SLC22A15: variants seen among roughly 807,000 people sequenced by gnomAD.
The protein encoded by SLC22A15 is flipt 1.
Under a neutral mutation model 62.7 loss-of-function variants are expected in SLC22A15, and 45 were observed. The ratio of observed to expected loss-of-function variants is 0.72; its 90% CI spans 0.56 to 0.92. The LOEUF is 0.92. SLC22A15 is among the 40% of genes least tolerant of loss of function. The pLI, the probability that SLC22A15 is intolerant of heterozygous loss-of-function variation, is 0.00. For synonymous variants in SLC22A15, 264 were observed against 267.0 expected (o/e 0.99, Z 0.11); for missense variants, 622 against 665.6 (o/e 0.93, Z 0.72).
chr1:116,039,082 C>G (rs757774361), intron 8 of SLC22A15, among the ~76,000 whole-genome samples: 36 of 152,212 alleles, frequency 2.4e-4, no homozygotes, highest in Non-Finnish European at 5.0e-4. Flanking sequence ...TAATTACAAT[C>G]TGTTTTAAGA....
intron 2 of SLC22A15, among the ~76,000 whole-genome samples, chr1:115,993,795 A>G (rs1655276015): frequency 6.6e-6 from 1 of 152,150 alleles, no homozygotes; most frequent in Admixed American, 6.5e-5. Flanking sequence ...CACACTTCGT[A>G]GCTTGGTCCA....
chr1:116,066,403 G>A, intron 10 of SLC22A15, 117 bp from the exon 11 acceptor site: 1 of 838,312 alleles, frequency 1.2e-6, no homozygotes, highest in Non-Finnish European at 1.8e-6. Flanking sequence ...GTTGTCTAGT[G>A]CGAGGTCATG....
Position 116,062,846 on chromosome 1 carries a change from A to G in SLC22A15, c.1256A>G (p.Tyr419Cys). 1 of 1,613,828 alleles carries G rather than the reference A, an allele frequency of 6.2e-7. No homozygotes were observed. The highest frequency in any genetic ancestry group is 1.3e-5 in the African/African-American group (1 of 75,022). The change falls in exon 9 of 12, where the codon TAT (tyrosine) becomes TGT (cysteine). Residue 419 changes from tyrosine to cysteine, a missense_variant. Coordinates refer to ENST00000369503, the MANE Select transcript of SLC22A15 (RefSeq NM_018420.3). ...LTISAAFNIV[Y>C]IYTSELYPTV... ...ATCAGTGCTGCCTTTAACATTGTTT[A>G]TATCTACACCTCTGAGCTTTACCCT... is the stretch of plus-strand genomic sequence containing the variant.
intron 8 of SLC22A15, among the ~76,000 whole-genome samples, chr1:116,039,357 ACCC>A (rs1657721940): frequency 6.6e-6 from 1 of 152,006 alleles, no homozygotes. Context: ...ACATGGTGAA[ACCC>A]CATCTCTACT....
At chr1:116,032,669 T>TGCATCACAG in intron 6 of SLC22A15, 1 of 976,434 alleles carries the variant, frequency 1.0e-6, no homozygotes, top group South Asian at 4.7e-5. Flanking sequence ...ACTAGGAATA[T>TGCATCACAG]CACAGATGCA....
At chr1:116,019,828 A>G in intron 3 of SLC22A15, 114 bp downstream of exon 3, 1 of 1,162,916 alleles carries the variant, frequency 8.6e-7, no homozygotes. Context: ...GCATATGGAC[A>G]CAGAACTGAT....
At position 115,976,573 on chromosome 1, in the gene SLC22A15, G is replaced by T. The variant is rs1045601782; in HGVS notation, c.-55G>T. On this transcript the variant is annotated 5_prime_UTR_variant, in exon 1 of 12. Transcript: ENST00000369503. ...GCCCAGGGGTTGCCGCGCTGGGCGG[G>T]AGGGCAGCGCCTGAGAGGGCGGTGG... The T allele has an allele frequency of 1.8e-5, 25 of 1,387,232 alleles. No homozygotes were observed. In the African/African-American group the frequency reaches 3.3e-4, roughly 18 times the overall value. The allele number at this position is 1,387,232 out of a possible 1,614,324, so 85.9% of individuals were successfully genotyped here.
chr1:115,984,874 A>G (rs1019235910), intron 1 of SLC22A15, among the ~76,000 whole-genome samples: 1 of 152,102 alleles, frequency 6.6e-6, no homozygotes, highest in African/African-American at 2.4e-5. Flanking sequence ...AAAAGCTTAT[A>G]GAATAAGGAT....
intron 2 of SLC22A15, among the ~76,000 whole-genome samples, chr1:115,993,788 A>T (rs12737327): frequency 6.6e-6 from 1 of 152,096 alleles, no homozygotes; most frequent in African/African-American, 2.4e-5. Context: ...GACCTCTCAC[A>T]CTTCGTAGCT....
intron 1 of SLC22A15, among the ~76,000 whole-genome samples, chr1:115,982,202 C>G (rs1276981386): frequency 1.3e-5 from 2 of 152,190 alleles, no homozygotes; most frequent in African/African-American, 2.4e-5. Flanking sequence ...TCCTCTCTGA[C>G]TTCTTTGACC....
At chr1:116,035,102 T>G in intron 6 of SLC22A15, 85 bp from the exon 7 acceptor site, 2 of 1,398,848 alleles carry the variant, frequency 1.4e-6, no homozygotes. Context: ...GAACCAATAT[T>G]TGAATCTCCT....
At chr1:115,993,428 A>AGTGTGTGTGT (rs762008398) in intron 2 of SLC22A15, among the ~76,000 whole-genome samples, 402 of 143,544 alleles carry the variant, frequency 2.8e-3, no homozygotes, top group Admixed American at 3.6e-3. Context: ...AGTGTGTGAG[A>AGTGTGTGTGT]GTGTGTGTGT....
At chr1:116,048,702 G>A (rs1570767017) in intron 8 of SLC22A15, among the ~76,000 whole-genome samples, 1 of 152,042 alleles carries the variant, frequency 6.6e-6, no homozygotes, top group Non-Finnish European at 1.5e-5. Context: ...AAAAACCCAA[G>A]GTAGACAGGC....
At chr1:116,033,184 C>T (rs1004606814) in intron 6 of SLC22A15, among the ~76,000 whole-genome samples, 4 of 152,180 alleles carry the variant, frequency 2.6e-5, no homozygotes, top group Non-Finnish European at 5.9e-5. Flanking sequence ...ACTGGGGATT[C>T]AAATTATACC....
At chr1:116,042,864 G>A (rs953168326) in intron 8 of SLC22A15, among the ~76,000 whole-genome samples, 1 of 152,184 alleles carries the variant, frequency 6.6e-6, no homozygotes, top group African/African-American at 2.4e-5. Flanking sequence ...AATAGAATAT[G>A]TATTCCATTT....
chr1:116,006,564 C>T (rs1288982361), intron 2 of SLC22A15, among the ~76,000 whole-genome samples: 1 of 152,094 alleles, frequency 6.6e-6, no homozygotes, highest in Non-Finnish European at 1.5e-5. Context: ...TCTTTTCCTT[C>T]CTGTTACCTA....
chr1:116,052,649 G>A (rs1418802958), intron 8 of SLC22A15, among the ~76,000 whole-genome samples: 1 of 152,218 alleles, frequency 6.6e-6, no homozygotes, highest in Non-Finnish European at 1.5e-5. Flanking sequence ...TAACTGGGAG[G>A]CACCTCCCAG....
intron 2 of SLC22A15, among the ~76,000 whole-genome samples, chr1:116,009,970 C>T (rs1656172137): frequency 6.6e-6 from 1 of 152,180 alleles, no homozygotes; most frequent in South Asian, 2.1e-4. Context: ...CACCTTATTA[C>T]ACTTGGGTCA....
Position 116,067,504 on chromosome 1 carries a change from T to C in SLC22A15, c.*396T>C, listed in dbSNP as rs770991400. 6.2e-5 allele frequency: 11 copies of C among 178,542 alleles called. No individual in the cohort carries two copies. The highest frequency in any genetic ancestry group is 1.1e-4 in the Non-Finnish European group (9 of 84,276). 11.1% of individuals were successfully genotyped at this position (178,542 alleles called of 1,614,324 possible). A position where few individuals can be genotyped will look rare whatever the true frequency, so the allele number is the denominator to read the frequency against. On this transcript the variant is annotated 3_prime_UTR_variant, in exon 12 of 12. Transcript: ENST00000369503. ...ACCATTTTGGTGGGGTAAGATAAGC[T>C]ATTATTAAGATTTAATCCTTATACC... is the stretch of plus-strand genomic sequence containing the variant.
Sources: gnomAD v4.1 joint callset for allele counts (sites outside exome capture counted in the v4.1 genomes callset) on GRCh38, gnomAD v4.1.1 for gene constraint, MANE v1.5 for transcripts, NCBI Gene and HGNC (gene_info 2026-07-23, HGNC 2026-07-21) for gene names.